THSD4: variants seen among roughly 807,000 people sequenced by gnomAD.
THSD4 encodes the protein thrombospondin type 1 domain containing 4, also known as thrombospondin type-1 domain-containing protein 4.
THSD4 carries 69 observed loss-of-function variants against 119.0 expected under a neutral mutation model. The ratio of observed to expected loss-of-function variants is 0.58; its 90% CI spans 0.48 to 0.71. The LOEUF (loss-of-function observed/expected upper bound fraction) is 0.71. Among genes scored for constraint, THSD4 ranks in the 30% least tolerant of loss-of-function variants. The pLI is 0.00. For synonymous variants in THSD4, 524 were observed against 540.4 expected (o/e 0.97, Z 0.42); for missense variants, 1,393 against 1,391.1 (o/e 1.00, Z -0.02).
chr15:71,604,772 C>A (rs1354351509), intron 7 of THSD4, among the ~76,000 whole-genome samples: 2 of 151,512 alleles, frequency 1.3e-5, no homozygotes, highest in Non-Finnish European at 2.9e-5. Context: ...ATATGCAAGC[C>A]AGAAGACTGT....
At chr15:71,352,646 G>C (rs968794437) in intron 6 of THSD4, among the ~76,000 whole-genome samples, 3 of 152,178 alleles carry the variant, frequency 2.0e-5, no homozygotes, top group African/African-American at 7.2e-5. Flanking sequence ...GTCAGTTAGG[G>C]ATACAAATTT....
intron 7 of THSD4, among the ~76,000 whole-genome samples, chr15:71,631,342 C>T (rs2050625603): frequency 6.6e-6 from 1 of 152,092 alleles, no homozygotes; most frequent in Admixed American, 6.5e-5. Flanking sequence ...TCATGACCTC[C>T]ATTGACAGAG....
At chr15:71,602,482 G>A (rs575940615) in intron 7 of THSD4, among the ~76,000 whole-genome samples, 3 of 143,198 alleles carry the variant, frequency 2.1e-5, no homozygotes, top group African/African-American at 7.7e-5. Flanking sequence ...AAACCCGGGA[G>A]GCAGAGGTTG....
chr15:71,497,089 ATGT>A (rs371333284), intron 7 of THSD4, among the ~76,000 whole-genome samples: 145 of 152,336 alleles, frequency 9.5e-4, no homozygotes, highest in African/African-American at 2.5e-3. Flanking sequence ...CAAAGGAAAG[ATGT>A]TGTGCAGTTT....
chr15:71,774,323 A>C (rs113489844), intron 17 of THSD4, among the ~76,000 whole-genome samples: 29 of 147,820 alleles, frequency 2.0e-4, no homozygotes, highest in Middle Eastern at 3.5e-3. Flanking sequence ...AAAAAAAAAA[A>C]AAAACTACAA....
At chr15:71,196,554 G>A (rs938505278) in intron 3 of THSD4, among the ~76,000 whole-genome samples, 11 of 152,178 alleles carry the variant, frequency 7.2e-5, no homozygotes, top group African/African-American at 2.7e-4. Context: ...TGTGGCTTTA[G>A]GGACAGTGGC....
At chr15:71,272,396 C>CAA (rs61293620) in intron 6 of THSD4, among the ~76,000 whole-genome samples, 24 of 55,580 alleles carry the variant, frequency 4.3e-4, no homozygotes, top group East Asian at 1.4e-3. Flanking sequence ...GACTCTGTCT[C>CAA]AAAAAAAAAA....
intron 6 of THSD4, among the ~76,000 whole-genome samples, chr15:71,273,969 T>C (rs552521455): frequency 6.6e-6 from 1 of 152,244 alleles, no homozygotes; most frequent in South Asian, 2.1e-4. Context: ...GTCTCATTAG[T>C]GTGCTGCTGC....
intron 1 of THSD4, among the ~76,000 whole-genome samples, chr15:71,139,705 C>A (rs958085488): frequency 1.3e-5 from 2 of 152,218 alleles, no homozygotes; most frequent in African/African-American, 4.8e-5. Flanking sequence ...GTCTGGTTCT[C>A]ATGACTATCT....
chr15:71,482,720 A>G lies in THSD4; in HGVS notation c.1152+70897A>G, dbSNP rs1202899903. On this transcript the variant is annotated intron_variant, in intron 7 of 17. Coordinates refer to ENST00000261862, the MANE Select transcript of THSD4 (RefSeq NM_024817.3). ...CTTGCCTCAGCCTCCCAAGTAGCTGAGACTACAGGTGGCCGCCTCCACACA... is the reference window on the plus strand; with the variant it reads ...CTTGCCTCAGCCTCCCAAGTAGCTGGGACTACAGGTGGCCGCCTCCACACA... Among the ~76,000 whole-genome samples the G allele has an allele frequency of 3.9e-5, 6 of 151,980 alleles. No homozygotes were observed. In the East Asian group the frequency reaches 7.7e-4, roughly 20 times the overall value.
chr15:71,547,243 A>T, intron 7 of THSD4: 1 of 1,406,902 alleles, frequency 7.1e-7, no homozygotes, highest in South Asian at 1.6e-5. Context: ...TTCAGAACAG[A>T]GGCTGAGCTC....
chr15:71,215,405 C>G lies in THSD4; in HGVS notation c.464+6C>G, dbSNP rs1056481656. On this transcript the variant is annotated splice_donor_region_variant and intron_variant, in intron 4 of 17. Coordinates refer to ENST00000261862, the MANE Select transcript of THSD4 (RefSeq NM_024817.3). Reference sequence around the variant, plus strand: ...GAAGTCACTGGGGACAGAAGGTACACGCCCGCCCTTGTCTGTGCCGCTCCC... The same window carrying G: ...GAAGTCACTGGGGACAGAAGGTACAGGCCCGCCCTTGTCTGTGCCGCTCCC... 6.6e-7 allele frequency: 1 copy of G among 1,520,570 alleles called. No homozygotes were observed. Among genetic ancestry groups the G allele is most frequent in the Non-Finnish European group, 8.8e-7 (1 of 1,138,914 alleles). 94.2% of individuals were successfully genotyped at this position (1,520,570 alleles called of 1,614,324 possible). A position where few individuals can be genotyped will look rare whatever the true frequency, so the allele number is the denominator to read the frequency against.
chr15:71,522,949 G>A (rs1388511720), intron 7 of THSD4, among the ~76,000 whole-genome samples: 4 of 152,182 alleles, frequency 2.6e-5, no homozygotes, highest in African/African-American at 7.2e-5. Context: ...AAGCCTGTCT[G>A]GATGCCTCCC....
At position 71,781,849 on chromosome 15, in the gene THSD4, G is replaced by T. The variant is rs1445358391; in HGVS notation, c.*4475G>T. 2 of 152,340 alleles carry T rather than the reference G, an allele frequency of 1.3e-5. No individual in the cohort carries two copies. The highest frequency in any genetic ancestry group is 2.9e-5 in the Non-Finnish European group (2 of 68,144). The allele number at this position is 152,340 out of a possible 1,614,324, so 9.4% of individuals were successfully genotyped here. A position where few individuals can be genotyped will look rare whatever the true frequency, so the allele number is the denominator to read the frequency against. On this transcript the variant is annotated 3_prime_UTR_variant, in exon 18 of 18. Coordinates refer to ENST00000261862, the MANE Select transcript of THSD4 (RefSeq NM_024817.3). The stretch of plus-strand genomic sequence containing the variant: ...GGGCCGTCTCCACTCAGGGCTTAGG[G>T]GAGTCTGTGAGTAGAAGAGCTTTAG...
At chr15:71,461,503 C>T (rs1288505344) in intron 7 of THSD4, among the ~76,000 whole-genome samples, 2 of 152,294 alleles carry the variant, frequency 1.3e-5, no homozygotes, top group East Asian at 1.9e-4. Flanking sequence ...GGCCCTTCAG[C>T]ACTTTCAGTC....
At chr15:71,149,139 T>C (rs2040694957) in intron 2 of THSD4, among the ~76,000 whole-genome samples, 1 of 151,368 alleles carries the variant, frequency 6.6e-6, no homozygotes, top group African/African-American at 2.4e-5. Context: ...CCTGGGTTCA[T>C]GCCATTCTCT....
At chr15:71,689,476 C>A (rs533576114) in intron 8 of THSD4, among the ~76,000 whole-genome samples, 1 of 152,300 alleles carries the variant, frequency 6.6e-6, no homozygotes, top group South Asian at 2.1e-4. Flanking sequence ...GAAAGGAGAT[C>A]ATGTTGTATA....
chr15:71,549,710 TGAG>T (rs1431888667), intron 7 of THSD4: 13 of 152,156 alleles, frequency 8.5e-5, no homozygotes, highest in African/African-American at 2.4e-4. Flanking sequence ...TAAAAACACA[TGAG>T]GAGAAGGAAG....
chr15:71,228,233 T>C (rs546166828), intron 4 of THSD4, among the ~76,000 whole-genome samples: 1 of 151,886 alleles, frequency 6.6e-6, no homozygotes, highest in South Asian at 2.1e-4. Flanking sequence ...CACAACAGGG[T>C]GGCTGATGTG....
Sources: gnomAD v4.1 joint callset for allele counts (sites outside exome capture counted in the v4.1 genomes callset) on GRCh38, gnomAD v4.1.1 for gene constraint, MANE v1.5 for transcripts, NCBI Gene and HGNC (gene_info 2026-07-23, HGNC 2026-07-21) for gene names.